XYLT2: variants seen among roughly 807,000 people sequenced by gnomAD.
XYLT2 encodes the protein xylosyltransferase 2.
In XYLT2, 37 loss-of-function variants were observed where a neutral mutation model predicts 82.6. That is an observed-to-expected ratio of 0.45 (90% CI 0.34 to 0.59). The LOEUF (loss-of-function observed/expected upper bound fraction) is 0.59. XYLT2 is among the 20% of genes least tolerant of loss of function. XYLT2 has a pLI of 0.01. For missense variants in XYLT2, 934 were observed against 1,181.3 expected (o/e 0.79, Z 3.07); for synonymous variants, 474 against 499.0 (o/e 0.95, Z 0.67).
chr17:50,356,091 T>C lies in XYLT2; in HGVS notation c.1312T>C (p.Phe438Leu). 2.5e-6 allele frequency: 4 copies of C among 1,614,192 alleles called. No individual in the cohort carries two copies. Among genetic ancestry groups the C allele is most frequent in the Non-Finnish European group, 3.4e-6 (4 of 1,179,994 alleles). ...TCTCCCTTGCTGCTTGCAGTCCTTC[T>C]TCCACACGGTGCTGGAGAACAGCCT... is the stretch of plus-strand genomic sequence containing the variant. ...TYTLLPAESF[F>L]HTVLENSLAC... The change falls in exon 7 of 11, where the codon TTC (phenylalanine) becomes CTC (leucine). Residue 438 changes from phenylalanine to leucine, a missense_variant. Around this residue, in one of 3 missense-constraint regions of XYLT2, gnomAD observed 189 missense variants for 320.8 expected, o/e 0.59. Coordinates refer to ENST00000017003, the MANE Select transcript of XYLT2 (RefSeq NM_022167.4).
chr17:50,358,305 G>T lies in XYLT2; in HGVS notation c.2040G>T (p.Arg680=). ...DEPVAVQRWA[R]GPNLTATVVW... ...CTGTGGCCGTGCAGCGCTGGGCCCG[G>T]GGCCCCAACCTCACAGCCACAGTGG... Residue 680 remains arginine (R), a synonymous_variant, in exon 10 of 11, where the codon CGG becomes CGT. Transcript: ENST00000017003. The T allele has an allele frequency of 6.2e-7, 1 of 1,613,864 alleles. No homozygotes were observed. Among genetic ancestry groups the T allele is most frequent in the Non-Finnish European group, 8.5e-7 (1 of 1,180,046 alleles).
At chr17:50,349,299 T>G (rs561069748) in intron 1 of XYLT2, among the ~76,000 whole-genome samples, 47 of 152,318 alleles carry the variant, frequency 3.1e-4, no homozygotes, top group African/African-American at 1.1e-3. Context: ...TGATGCACAC[T>G]CAGCTCAGTG....
At position 50,353,671 on chromosome 17, in the gene XYLT2, G is replaced by A. The variant is rs739990; in HGVS notation, c.177G>A (p.Glu59=). 0.22 allele frequency: 344,051 copies of A among 1,566,316 alleles called. 40,476 individuals carry two copies. The highest frequency in any genetic ancestry group is 0.26 in the Admixed American group (13,592 of 53,196). ...QRKPRPLDPG[E]GSKDTDSSAG... Reference sequence around the variant, plus strand: ...AGCCACGGCCACTGGACCCTGGCGAGGGTTCCAAGGACACAGACAGTTCAG... The same window carrying A: ...AGCCACGGCCACTGGACCCTGGCGAAGGTTCCAAGGACACAGACAGTTCAG... Residue 59 remains glutamate, a synonymous_variant, in exon 2 of 11, where the codon GAG becomes GAA. Transcript: ENST00000017003.
At position 50,346,624 on chromosome 17, in the gene XYLT2, G is replaced by T. The variant is rs1598346200; in HGVS notation, c.135+349G>T. Reference sequence around the variant, plus strand: ...GGGGCTGGGCCCGAACCTGCTCGGAGGTGGGGAGCCCCAGGCCAAACTTTC... The same window carrying T: ...GGGGCTGGGCCCGAACCTGCTCGGATGTGGGGAGCCCCAGGCCAAACTTTC... On this transcript the variant is annotated intron_variant, in intron 1 of 10. Coordinates refer to ENST00000017003, the MANE Select transcript of XYLT2 (RefSeq NM_022167.4). The surrounding 1 kb of genome is among the most constrained non-coding windows in gnomAD (Gnocchi z 5.1). 1.0e-6 allele frequency: 1 copy of T among 985,244 alleles called. No individual in the cohort carries two copies. Among genetic ancestry groups the T allele is most frequent in the African/African-American group, 1.7e-5 (1 of 57,250 alleles). The allele number at this position is 985,244 out of a possible 1,614,324, so 61.0% of individuals were successfully genotyped here.
In XYLT2 at chr17:50,356,778, G is replaced by T. The variant is rs779804799; in HGVS notation, c.1745+5G>T. 1.3e-6 allele frequency: 2 copies of T among 1,598,484 alleles called. No individual in the cohort carries two copies. The highest frequency in any genetic ancestry group is 1.7e-6 in the Non-Finnish European group (2 of 1,177,286). ...AATGGGCACCCCACTCTGCAGGTGA[G>T]ACCCCCTTCTGACATACAGCAGGCC... On this transcript the variant is annotated splice_donor_5th_base_variant and intron_variant, in intron 8 of 10. Transcript: ENST00000017003.
intron 9 of XYLT2, chr17:50,357,592 CTTTTTT>C (rs59572285): frequency 6.4e-6 from 1 of 156,098 alleles, no homozygotes; most frequent in Middle Eastern, 2.8e-3. Context: ...TCCTCATAGT[CTTTTTT>C]TTTTTTTTTT....
intron 10 of XYLT2, 45 bp downstream of exon 10, chr17:50,358,585 A>G (rs1452396826): frequency 1.3e-6 from 2 of 1,539,968 alleles, no homozygotes; most frequent in Non-Finnish European, 8.8e-7. Flanking sequence ...CAGACAGAAT[A>G]GGACTCGCCA....
chr17:50,346,289 CGGGCGGGCGGGCAGGCCGGGCGCGG>C lies in XYLT2; in HGVS notation c.135+20_135+44del. 9.3e-7 allele frequency: 1 copy of C among 1,078,374 alleles called. No individual in the cohort carries two copies. Among genetic ancestry groups the C allele is most frequent in the Non-Finnish European group, 1.1e-6 (1 of 885,254 alleles). 66.8% of individuals were successfully genotyped at this position (1,078,374 alleles called of 1,614,324 possible). ...GAGGCGGGCGAGGTGCTCCGACGGCCGGGCGGGCGGGCAGGCCGGGCGCGGGGGCGCGCGGGGTCCTGGCGGGGCT... is the reference window on the plus strand; with the variant it reads ...GAGGCGGGCGAGGTGCTCCGACGGCCGGGCGCGCGGGGTCCTGGCGGGGCT... On this transcript the variant is annotated intron_variant, in intron 1 of 10. Transcript: ENST00000017003. This position sits in a 1 kb window ranked among gnomAD's most constrained non-coding sequence, Gnocchi z 5.1.
Position 50,361,026 on chromosome 17 carries a change from A to G in XYLT2, c.*735A>G. Reference sequence around the variant, plus strand: ...AGTTTCCAGGTGTGCACTGGAAGTGAGGTCACATGAGCAGCGTGGGAAGAA... The same window carrying G: ...AGTTTCCAGGTGTGCACTGGAAGTGGGGTCACATGAGCAGCGTGGGAAGAA... On this transcript the variant is annotated 3_prime_UTR_variant, in exon 11 of 11. Coordinates refer to ENST00000017003, the MANE Select transcript of XYLT2 (RefSeq NM_022167.4). 1.0e-6 allele frequency: 1 copy of G among 985,898 alleles called. No individual in the cohort carries two copies. Among genetic ancestry groups the G allele is most frequent in the East Asian group, 1.1e-4 (1 of 8,816 alleles). 61.1% of individuals were successfully genotyped at this position (985,898 alleles called of 1,614,324 possible).
chr17:50,359,888 G>A lies in XYLT2; in HGVS notation c.2276-81G>A, dbSNP rs1274366503. On this transcript the variant is annotated intron_variant, in intron 10 of 10. Transcript: ENST00000017003. ...AAGTAGGGCTGTGACAGGAACTGGG[G>A]TACCCAGACCCAACTCCTGGGTCTG... is the stretch of plus-strand genomic sequence containing the variant. 3.1e-6 allele frequency: 4 copies of A among 1,292,382 alleles called. No homozygotes were observed. The East Asian group carries it at 7.6e-5, about 25-fold the overall frequency. The allele number at this position is 1,292,382 out of a possible 1,614,324, so 80.1% of individuals were successfully genotyped here.
Position 50,346,160 on chromosome 17 carries a change from T to A in XYLT2, c.20T>A (p.Val7Glu). 7.8e-7 allele frequency: 1 copy of A among 1,275,704 alleles called. No homozygotes were observed. Among genetic ancestry groups the A allele is most frequent in the Non-Finnish European group, 1.0e-6 (1 of 985,618 alleles). The allele number at this position is 1,275,704 out of a possible 1,614,324, so 79.0% of individuals were successfully genotyped here. A position where few individuals can be genotyped will look rare whatever the true frequency, so the allele number is the denominator to read the frequency against. The part of the protein sequence containing the change: MVASAR[V>E]QKLVRRYKLA... ...AGGAAGATGGTGGCGAGCGCGCGAG[T>A]GCAGAAGCTGGTGCGGCGCTACAAG... is the stretch of plus-strand genomic sequence containing the variant. Residue 7 changes from valine to glutamate, a missense_variant, in exon 1 of 11, where the codon GTG (valine) becomes GAG (glutamate). By Grantham distance (121) the Val-to-Glu change is moderately radical. Coordinates refer to ENST00000017003, the MANE Select transcript of XYLT2 (RefSeq NM_022167.4). The surrounding 1 kb of genome is among the most constrained non-coding windows in gnomAD (Gnocchi z 5.1).
chr17:50,353,629 G>C lies in XYLT2; in HGVS notation c.136-1G>C. On this transcript the variant is annotated splice_acceptor_variant, in intron 1 of 10. Transcript: ENST00000017003. LOFTEE classifies it high-confidence loss of function. ...GTGATGTGTCTGCATCTCTCTTACA[G>C]AAAGGAAGGCAGAGGAAGCCACGGC... 1 of 1,562,358 alleles carries C rather than the reference G, an allele frequency of 6.4e-7. No homozygotes were observed. Among genetic ancestry groups the C allele is most frequent in the Non-Finnish European group, 8.7e-7 (1 of 1,152,776 alleles).
intron 10 of XYLT2, chr17:50,359,659 C>T: frequency 2.8e-6 from 1 of 361,476 alleles, no homozygotes; most frequent in Non-Finnish European, 5.1e-6. Flanking sequence ...TCTGAGGGCT[C>T]TAGGAGCCAC....
Position 50,358,280 on chromosome 17 carries a change from C to T in XYLT2, c.2015C>T (p.Pro672Leu). ...GGGTTACTGGGGCCGCTGGACGAGC[C>T]TGTGGCCGTGCAGCGCTGGGCCCGG... ...FGGLLGPLDE[P>L]VAVQRWARGP... Residue 672 changes from proline to leucine, a missense_variant, in exon 10 of 11, where the codon CCT (proline) becomes CTT (leucine). Coordinates refer to ENST00000017003, the MANE Select transcript of XYLT2 (RefSeq NM_022167.4). 1 of 1,613,644 alleles carries T rather than the reference C, an allele frequency of 6.2e-7. No individual in the cohort carries two copies. Among genetic ancestry groups the T allele is most frequent in the Non-Finnish European group, 8.5e-7 (1 of 1,179,954 alleles).
Position 50,346,856 on chromosome 17 carries a change from C to G in XYLT2, c.135+581C>G, listed in dbSNP as rs1357800329. The G allele has an allele frequency of 1.0e-6, 1 of 985,184 alleles. No homozygotes were observed. Among genetic ancestry groups the G allele is most frequent in the African/African-American group, 1.7e-5 (1 of 57,180 alleles). The allele number at this position is 985,184 out of a possible 1,614,324, so 61.0% of individuals were successfully genotyped here. ...CCGAAGGAGAGAACTGGAGTATTCC[C>G]GAGGTGTGGCTTCCTCAGCCGGGGG... On this transcript the variant is annotated intron_variant, in intron 1 of 10. Coordinates refer to ENST00000017003, the MANE Select transcript of XYLT2 (RefSeq NM_022167.4). This position sits in a 1 kb window ranked among gnomAD's most constrained non-coding sequence, Gnocchi z 5.1.
At chr17:50,349,319 T>C (rs1265799460) in intron 1 of XYLT2, among the ~76,000 whole-genome samples, 3 of 152,158 alleles carry the variant, frequency 2.0e-5, no homozygotes, top group African/African-American at 7.2e-5. Context: ...GGGGCTGCAT[T>C]TACCTTTCCT....
chr17:50,358,126 A>C, intron 9 of XYLT2, 81 bp from the exon 10 acceptor site: 1 of 1,310,160 alleles, frequency 7.6e-7, no homozygotes, highest in South Asian at 1.5e-5. Context: ...CTGGCCTGAG[A>C]TTACACAGTG....
rs528704779 is a variant in XYLT2, at chr17:50,351,353, C to T, written c.136-2277C>T. Among the ~76,000 whole-genome samples, 27 of 152,162 alleles carry T rather than the reference C, an allele frequency of 1.8e-4. No individual in the cohort carries two copies. The South Asian group carries it at 5.4e-3, about 30-fold the overall frequency. On this transcript the variant is annotated intron_variant, in intron 1 of 10. Transcript: ENST00000017003. ...AGGGAAAGAGAGTCAAAGATGACTC[C>T]TGGCTGGGCGCAGTGGCTCACATCT...
At chr17:50,358,120 C>T in intron 9 of XYLT2, 87 bp from the exon 10 acceptor site, 1 of 1,246,576 alleles carries the variant, frequency 8.0e-7, no homozygotes, top group South Asian at 1.5e-5. Context: ...CAGTGACTGG[C>T]CTGAGATTAC....
Sources: allele counts gnomAD v4.1 joint callset (sites outside exome capture counted in the v4.1 genomes callset), GRCh38; gene constraint gnomAD v4.1.1; regional missense constraint gnomAD v4.1.1; non-coding constraint Gnocchi (gnomAD v3.1); transcripts MANE v1.5; gene names NCBI Gene and HGNC (gene_info 2026-07-23, HGNC 2026-07-21).